The following NOS1AP variants were observed in gnomAD, a reference collection of about 807,000 sequenced individuals.
The protein encoded by NOS1AP is nitric oxide synthase 1 adaptor protein, also known as carboxyl-terminal PDZ ligand of neuronal nitric oxide synthase protein.
A neutral mutation model predicts 56.2 loss-of-function variants in NOS1AP; 21 were observed. The observed-to-expected ratio is 0.37, with a 90% CI of 0.26 to 0.54. The LOEUF (loss-of-function observed/expected upper bound fraction) is 0.54. Ranked by LOEUF, NOS1AP falls within the 20% of genes least tolerant of loss-of-function variation. NOS1AP has a pLI of 0.84. For synonymous variants in NOS1AP, 270 were observed against 274.6 expected (o/e 0.98, Z 0.17); for missense variants, 522 against 657.8 (o/e 0.79, Z 2.26).
chr1:162,151,309 C>G (rs370870595), intron 1 of NOS1AP, among the ~76,000 whole-genome samples: 31 of 152,268 alleles, frequency 2.0e-4, no homozygotes, highest in African/African-American at 7.2e-4. Context: ...CCATTCTGTT[C>G]CATTGGTCTA....
chr1:162,322,342 T>A (rs1166777480), intron 4 of NOS1AP, among the ~76,000 whole-genome samples: 1 of 151,916 alleles, frequency 6.6e-6, no homozygotes, highest in African/African-American at 2.4e-5. Flanking sequence ...ACTGGAAAAA[T>A]AAAAATATTA....
intron 3 of NOS1AP, 111 bp from the exon 4 acceptor site, chr1:162,300,522 G>A (rs1655614875): frequency 1.1e-6 from 1 of 909,432 alleles, no homozygotes; most frequent in Non-Finnish European, 1.8e-6. Flanking sequence ...AGGCCTCTTA[G>A]AGGGAAAAAG....
intron 2 of NOS1AP, among the ~76,000 whole-genome samples, chr1:162,226,892 A>G (rs1341435547): frequency 1.3e-5 from 2 of 148,814 alleles, no homozygotes; most frequent in African/African-American, 4.9e-5. Context: ...TCTGTTCTTA[A>G]CTCTTCTTTC....
intron 4 of NOS1AP, among the ~76,000 whole-genome samples, chr1:162,310,673 G>A (rs1239045532): frequency 6.6e-6 from 1 of 152,176 alleles, no homozygotes; most frequent in African/African-American, 2.4e-5. Context: ...CATTCATGCT[G>A]CCTAGCTTCT....
chr1:162,228,853 A>G (rs1227699439), intron 2 of NOS1AP, among the ~76,000 whole-genome samples: 1 of 152,254 alleles, frequency 6.6e-6, no homozygotes, highest in Non-Finnish European at 1.5e-5. Context: ...AATGATGGTA[A>G]AACAAGAGAA....
At chr1:162,236,552 G>A (rs1653298224) in intron 2 of NOS1AP, among the ~76,000 whole-genome samples, 1 of 152,136 alleles carries the variant, frequency 6.6e-6, no homozygotes, top group Admixed American at 6.6e-5. Flanking sequence ...TTGCCCATAT[G>A]TTACTTCTGT....
At chr1:162,222,053 G>A (rs563082367) in intron 2 of NOS1AP, among the ~76,000 whole-genome samples, 14 of 152,138 alleles carry the variant, frequency 9.2e-5, no homozygotes, top group Non-Finnish European at 1.9e-4. Context: ...ATATTGCAAT[G>A]AATTTCGCTT....
intron 1 of NOS1AP, among the ~76,000 whole-genome samples, chr1:162,134,484 C>T (rs1571047341): frequency 2.2e-5 from 2 of 90,950 alleles, no homozygotes; most frequent in African/African-American, 9.2e-5. Flanking sequence ...GAGACTTTGT[C>T]TAAAAAAAAA....
At chr1:162,178,183 A>AT (rs970297543) in intron 2 of NOS1AP, among the ~76,000 whole-genome samples, 9 of 151,736 alleles carry the variant, frequency 5.9e-5, no homozygotes, top group African/African-American at 1.4e-4. Context: ...TCGATAGCTC[A>AT]TTTTTTTTAG....
At chr1:162,305,124 G>A (rs190028200) in intron 4 of NOS1AP, among the ~76,000 whole-genome samples, 2 of 151,920 alleles carry the variant, frequency 1.3e-5, no homozygotes, top group African/African-American at 4.8e-5. Context: ...TTTTTTAATT[G>A]TGGTGAAATA....
At chr1:162,103,050 A>G (rs910659813) in intron 1 of NOS1AP, among the ~76,000 whole-genome samples, 1 of 151,946 alleles carries the variant, frequency 6.6e-6, no homozygotes, top group Non-Finnish European at 1.5e-5. Flanking sequence ...AGATCTTTTT[A>G]GCTTTTTGAT....
chr1:162,357,178 A>G (rs753743842), intron 8 of NOS1AP, 42 bp downstream of exon 8: 10 of 1,589,040 alleles, frequency 6.3e-6, no homozygotes, highest in Non-Finnish European at 6.0e-6. Flanking sequence ...CTCCACTCTC[A>G]TGGGCTTGAT....
intron 2 of NOS1AP, among the ~76,000 whole-genome samples, chr1:162,222,066 A>G (rs370571620): frequency 6.6e-5 from 10 of 152,256 alleles, no homozygotes; most frequent in Admixed American, 4.6e-4. Context: ...TTTCGCTTCT[A>G]TTTCTTTCCT....
At chr1:162,095,935 T>C (rs138205659) in intron 1 of NOS1AP, among the ~76,000 whole-genome samples, 12 of 152,230 alleles carry the variant, frequency 7.9e-5, no homozygotes, top group African/African-American at 2.9e-4. Context: ...TCAAATCCAA[T>C]GTAGACAGTT....
At chr1:162,365,346 A>C (rs1658045080) in intron 8 of NOS1AP, 58 bp from the exon 9 acceptor site, 2 of 1,611,434 alleles carry the variant, frequency 1.2e-6, no homozygotes, top group South Asian at 2.2e-5. Context: ...TCTCATGTGC[A>C]TTCATGTCCC....
At chr1:162,259,471 A>G (rs529961201) in intron 2 of NOS1AP, among the ~76,000 whole-genome samples, 5 of 152,332 alleles carry the variant, frequency 3.3e-5, no homozygotes, top group East Asian at 1.9e-4. Flanking sequence ...ATTTTATACA[A>G]TAGTTTGACT....
At chr1:162,095,525 G>C (rs1692220536) in intron 1 of NOS1AP, among the ~76,000 whole-genome samples, 1 of 152,194 alleles carries the variant, frequency 6.6e-6, no homozygotes, top group Non-Finnish European at 1.5e-5. Flanking sequence ...TGTGGCATTA[G>C]AATATGAAGT....
In NOS1AP at chr1:162,188,820, G is replaced by C. The variant is rs139216916; in HGVS notation, c.177+34344G>C. Among the ~76,000 whole-genome samples, 5 of 152,190 alleles carry C rather than the reference G, an allele frequency of 3.3e-5. No homozygotes were observed. Among genetic ancestry groups the C allele is most frequent in the African/African-American group, 1.2e-4 (5 of 41,450 alleles). On this transcript the variant is annotated intron_variant, in intron 2 of 9. Transcript: ENST00000361897. The surrounding 1 kb of genome is among the most constrained non-coding windows in gnomAD (Gnocchi z 4.0). ...TGTAATCCCAGCACTTTCGGAGGCC[G>C]AGGCGGGCGGATCACGAGATCAGGA...
At chr1:162,327,401 A>G (rs1557879615) in intron 4 of NOS1AP, among the ~76,000 whole-genome samples, 1 of 152,226 alleles carries the variant, frequency 6.6e-6, no homozygotes, top group Non-Finnish European at 1.5e-5. Flanking sequence ...AGGGATGGAG[A>G]AGAAACAAAA....
Sources: gnomAD v4.1 joint callset for allele counts (sites outside exome capture counted in the v4.1 genomes callset) on GRCh38, gnomAD v4.1.1 for gene constraint, Gnocchi (gnomAD v3.1) non-coding constraint, MANE v1.5 for transcripts, NCBI Gene and HGNC (gene_info 2026-07-23, HGNC 2026-07-21) for gene names.